The following NT5C3A variants were observed in gnomAD, a reference collection of about 807,000 sequenced individuals.
The protein encoded by NT5C3A is cytosolic 5'-nucleotidase 3A.
Under a neutral mutation model 40.0 loss-of-function variants are expected in NT5C3A, and 23 were observed. The observed-to-expected ratio is 0.58, with a 90% CI of 0.41 to 0.81. The LOEUF (loss-of-function observed/expected upper bound fraction) is 0.81, where lower values mean the gene tolerates loss of function less well. NT5C3A is among the 40% of genes least tolerant of loss of function. The pLI is 0.00. For missense variants in NT5C3A, 328 were observed against 403.0 expected, an observed-to-expected ratio of 0.81 and a Z score of 1.59; for synonymous variants, 130 against 141.4, an observed-to-expected ratio of 0.92 and a Z score of 0.57.
chr7:33,040,686 T>A (rs1048198333), intron 1 of NT5C3A, among the ~76,000 whole-genome samples: 3 of 152,006 alleles, frequency 2.0e-5, no homozygotes, highest in African/African-American at 7.3e-5. Context: ...GACCTAAGAC[T>A]CTTCAAAGTT....
At chr7:33,035,414 C>G (rs998271130) in intron 1 of NT5C3A, among the ~76,000 whole-genome samples, 11 of 151,892 alleles carry the variant, frequency 7.2e-5, no homozygotes, top group African/African-American at 2.2e-4. Flanking sequence ...AGGATGGTCT[C>G]GATCTCCTGA....
At chr7:33,037,934 A>G (rs1279585894) in intron 1 of NT5C3A, among the ~76,000 whole-genome samples, 1 of 152,176 alleles carries the variant, frequency 6.6e-6, no homozygotes, top group Non-Finnish European at 1.5e-5. Flanking sequence ...ATTATAGTCA[A>G]GTTTAAGTAG....
intron 1 of NT5C3A, among the ~76,000 whole-genome samples, chr7:33,050,426 C>T (rs898244113): frequency 6.6e-6 from 1 of 152,220 alleles, no homozygotes; most frequent in Non-Finnish European, 1.5e-5. Context: ...TGAATTTTAT[C>T]TAGCAACTTG....
chr7:33,027,477 A>G (rs1199357798), intron 1 of NT5C3A, among the ~76,000 whole-genome samples: 1 of 152,266 alleles, frequency 6.6e-6, no homozygotes, highest in East Asian at 1.9e-4. Context: ...ATCAGAAAGT[A>G]TATATCTTTT....
intron 1 of NT5C3A, among the ~76,000 whole-genome samples, chr7:33,053,007 T>C (rs1787432589): frequency 6.6e-6 from 1 of 152,224 alleles, no homozygotes; most frequent in Non-Finnish European, 1.5e-5. Context: ...CTAGTTGTCA[T>C]GGTTTATATA....
chr7:33,040,679 C>T (rs1385493969), intron 1 of NT5C3A, among the ~76,000 whole-genome samples: 1 of 152,118 alleles, frequency 6.6e-6, no homozygotes, highest in African/African-American at 2.4e-5. Flanking sequence ...TTTCTGAGAC[C>T]TAAGACTCTT....
chr7:33,016,141 C>T (rs944180023), intron 7 of NT5C3A, among the ~76,000 whole-genome samples: 1 of 151,758 alleles, frequency 6.6e-6, no homozygotes, highest in African/African-American at 2.4e-5. Context: ...TTTGGGAGGC[C>T]AAGGAGGACA....
chr7:33,031,457 G>T (rs1046185929), intron 1 of NT5C3A, among the ~76,000 whole-genome samples: 2 of 151,798 alleles, frequency 1.3e-5, no homozygotes, highest in Admixed American at 1.3e-4. Flanking sequence ...GCATGGTGGT[G>T]CACATCTGTA....
intron 1 of NT5C3A, among the ~76,000 whole-genome samples, chr7:33,056,660 G>A (rs1431951531): frequency 6.6e-6 from 1 of 151,938 alleles, no homozygotes; most frequent in Non-Finnish European, 1.5e-5. Flanking sequence ...AGCAGGGTGA[G>A]ACCTAGTCTC....
chr7:33,060,369 CTTTTTTTTT>C (rs3082829), intron 1 of NT5C3A, among the ~76,000 whole-genome samples: 10 of 78,472 alleles, frequency 1.3e-4, no homozygotes, highest in Non-Finnish European at 1.8e-4. Context: ...TGCTTTCCTT[CTTTTTTTTT>C]TTTTTTTTTT....
intron 1 of NT5C3A, among the ~76,000 whole-genome samples, chr7:33,053,616 G>A (rs896236440): frequency 2.0e-5 from 3 of 152,000 alleles, no homozygotes; most frequent in African/African-American, 4.8e-5. Flanking sequence ...AGCTATGATT[G>A]TACCACTGCA....
At chr7:33,062,531 C>T (rs1787823802) in intron 1 of NT5C3A, 37 bp downstream of exon 1, 2 of 1,587,590 alleles carry the variant, frequency 1.3e-6, no homozygotes, top group Non-Finnish European at 1.7e-6. Context: ...CAGCCGGCCC[C>T]TCGCGTGCTC....
intron 1 of NT5C3A, among the ~76,000 whole-genome samples, chr7:33,057,909 A>G (rs1300000311): frequency 6.6e-6 from 1 of 152,230 alleles, no homozygotes; most frequent in Non-Finnish European, 1.5e-5. Flanking sequence ...GGCTAAGCTT[A>G]AGACTACACA....
intron 6 of NT5C3A, among the ~76,000 whole-genome samples, chr7:33,018,913 T>C (rs1785484635): frequency 6.6e-6 from 1 of 152,096 alleles, no homozygotes; most frequent in Admixed American, 6.6e-5. Flanking sequence ...AACATACTAA[T>C]CTTTCCTAGG....
At chr7:33,049,143 A>G (rs1388322220) in intron 1 of NT5C3A, among the ~76,000 whole-genome samples, 1 of 152,184 alleles carries the variant, frequency 6.6e-6, no homozygotes, top group African/African-American at 2.4e-5. Context: ...ATTACTTTAA[A>G]ACATCAAGTG....
intron 1 of NT5C3A, among the ~76,000 whole-genome samples, chr7:33,044,342 G>C (rs1016535690): frequency 4.6e-5 from 7 of 152,066 alleles, no homozygotes; most frequent in African/African-American, 1.7e-4. Context: ...GCAAAGCACT[G>C]AATCAAAGAC....
chr7:33,041,924 TCTA>T (rs2128010593), intron 1 of NT5C3A, among the ~76,000 whole-genome samples: 1 of 152,290 alleles, frequency 6.6e-6, no homozygotes, highest in South Asian at 2.1e-4. Flanking sequence ...CGGCTTTCTC[TCTA>T]CTGTCCTCAG....
intron 1 of NT5C3A, among the ~76,000 whole-genome samples, chr7:33,057,405 C>T (rs1262159993): frequency 1.3e-5 from 2 of 152,078 alleles, no homozygotes; most frequent in African/African-American, 4.8e-5. Flanking sequence ...GTGCTTTAGT[C>T]CTGGCTACTC....
At chr7:33,057,732 A>G (rs1439059825) in intron 1 of NT5C3A, among the ~76,000 whole-genome samples, 1 of 152,182 alleles carries the variant, frequency 6.6e-6, no homozygotes, top group Non-Finnish European at 1.5e-5. Context: ...CCCCCACATC[A>G]GCTACTTAAG....
Sources: gnomAD v4.1 joint callset for allele counts (sites outside exome capture counted in the v4.1 genomes callset) on GRCh38, gnomAD v4.1.1 for gene constraint, MANE v1.5 for transcripts, NCBI Gene and HGNC (gene_info 2026-07-23, HGNC 2026-07-21) for gene names.